The following MINDY3 variants were observed in gnomAD, a reference collection of about 807,000 sequenced individuals.
MINDY3 encodes the protein ubiquitin carboxyl-terminal hydrolase MINDY-3.
A neutral mutation model predicts 69.2 loss-of-function variants in MINDY3; 38 were observed. The observed-to-expected ratio is 0.55, with a 90% CI of 0.42 to 0.72. The LOEUF (loss-of-function observed/expected upper bound fraction) is 0.72, where lower values mean the gene tolerates loss of function less well. Ranked by LOEUF, MINDY3 falls within the 30% of genes least tolerant of loss-of-function variation. MINDY3 has a pLI of 0.00. For missense variants in MINDY3, 522 were observed against 519.0 expected, an observed-to-expected ratio of 1.01 and a Z score of -0.06; for synonymous variants, 192 against 180.1, an observed-to-expected ratio of 1.07 and a Z score of -0.53.
At chr10:15,845,249 T>C (rs1296196930) in intron 2 of MINDY3, among the ~76,000 whole-genome samples, 1 of 151,374 alleles carries the variant, frequency 6.6e-6, no homozygotes, top group Non-Finnish European at 1.5e-5. Flanking sequence ...CCACTGATCT[T>C]AGTTCCTTCT....
intron 1 of MINDY3, among the ~76,000 whole-genome samples, chr10:15,857,585 GAGA>G (rs1834776829): frequency 6.6e-6 from 1 of 151,516 alleles, no homozygotes; most frequent in South Asian, 2.1e-4. Flanking sequence ...GGAAAGCAGA[GAGA>G]AGAATAAATT....
chr10:15,792,829 G>A (rs932529069), intron 11 of MINDY3, among the ~76,000 whole-genome samples: 1 of 152,060 alleles, frequency 6.6e-6, no homozygotes, highest in Non-Finnish European at 1.5e-5. Context: ...GTGATTAGCA[G>A]TTCAGACACT....
chr10:15,819,457 A>G (rs915497046), intron 9 of MINDY3, among the ~76,000 whole-genome samples: 3 of 152,192 alleles, frequency 2.0e-5, no homozygotes, highest in Admixed American at 2.0e-4. Context: ...CTACCATTAT[A>G]GGTCTCCCAC....
At position 15,860,477 on chromosome 10, in the gene MINDY3, G is replaced by T; in HGVS notation, c.-178C>A. The T allele has an allele frequency of 6.5e-6, 4 of 618,644 alleles. No homozygotes were observed. Among genetic ancestry groups the T allele is most frequent in the Admixed American group, 3.0e-5 (1 of 33,070 alleles). The allele number at this position is 618,644 out of a possible 1,614,324, so 38.3% of individuals were successfully genotyped here. Reference sequence around the variant, plus strand: ...GAGACCAAGCCTGTCAAGCCAGGTTGGGGCAGCAGCGAGTTTTCCGTACCG... The same window carrying T: ...GAGACCAAGCCTGTCAAGCCAGGTTTGGGCAGCAGCGAGTTTTCCGTACCG... On this transcript the variant is annotated 5_prime_UTR_variant, in exon 1 of 15. Transcript: ENST00000277632.
At chr10:15,792,815 AC>A (rs1163596653) in intron 11 of MINDY3, among the ~76,000 whole-genome samples, 2 of 152,056 alleles carry the variant, frequency 1.3e-5, no homozygotes, top group Non-Finnish European at 2.9e-5. Context: ...TAATGTGAAA[AC>A]CTGTGATTAG....
intron 13 of MINDY3, among the ~76,000 whole-genome samples, chr10:15,785,823 A>G (rs191000952): frequency 1.7e-4 from 26 of 152,264 alleles, no homozygotes; most frequent in South Asian, 8.3e-4. Flanking sequence ...CTATTTGTCA[A>G]TATGTCTCTC....
chr10:15,851,045 C>A (rs1834249537), intron 1 of MINDY3, among the ~76,000 whole-genome samples: 1 of 152,148 alleles, frequency 6.6e-6, no homozygotes, highest in East Asian at 1.9e-4. Flanking sequence ...CAGGCTAGTT[C>A]CCAAATCTTA....
chr10:15,843,961 G>A (rs1347548417), intron 2 of MINDY3, among the ~76,000 whole-genome samples: 2 of 152,070 alleles, frequency 1.3e-5, no homozygotes, highest in Non-Finnish European at 2.9e-5. Flanking sequence ...TGAATCTCTA[G>A]AGGGCAGGTC....
At chr10:15,825,470 A>T (rs1480878285) in intron 8 of MINDY3, among the ~76,000 whole-genome samples, 2 of 152,190 alleles carry the variant, frequency 1.3e-5, no homozygotes, top group Non-Finnish European at 2.9e-5. Context: ...TTGGCCTCCC[A>T]AACTGCTGAG....
intron 2 of MINDY3, among the ~76,000 whole-genome samples, chr10:15,844,270 G>A (rs975545581): frequency 5.3e-5 from 8 of 152,076 alleles, no homozygotes; most frequent in African/African-American, 1.9e-4. Context: ...CTAATCAAGC[G>A]CTTCTGATTT....
chr10:15,814,536 G>C (rs1839223689), intron 10 of MINDY3, among the ~76,000 whole-genome samples: 1 of 149,550 alleles, frequency 6.7e-6, no homozygotes, highest in Non-Finnish European at 1.5e-5. Context: ...GTAACAATTA[G>C]TATAAAATTC....
At chr10:15,815,166 T>G (rs2131971778) in intron 10 of MINDY3, among the ~76,000 whole-genome samples, 1 of 152,346 alleles carries the variant, frequency 6.6e-6, no homozygotes, top group South Asian at 2.1e-4. Context: ...AATGAAATCC[T>G]CACTCAGGAA....
intron 13 of MINDY3, among the ~76,000 whole-genome samples, chr10:15,784,065 C>A (rs1836762726): frequency 6.6e-6 from 1 of 152,130 alleles, no homozygotes; most frequent in African/African-American, 2.4e-5. Context: ...TCAATTTCCT[C>A]ATTGTCAAAA....
intron 10 of MINDY3, among the ~76,000 whole-genome samples, chr10:15,796,412 C>T (rs2131883471): frequency 6.7e-6 from 1 of 149,722 alleles, no homozygotes; most frequent in African/African-American, 2.5e-5. Flanking sequence ...TGGAGTTTTA[C>T]ATAAATACTT....
At chr10:15,838,761 G>C (rs894415101) in intron 4 of MINDY3, among the ~76,000 whole-genome samples, 3 of 151,644 alleles carry the variant, frequency 2.0e-5, no homozygotes, top group African/African-American at 7.3e-5. Flanking sequence ...ACAGCTTTAA[G>C]TTTGTTTCCT....
At chr10:15,799,632 G>A (rs1278321155) in intron 10 of MINDY3, among the ~76,000 whole-genome samples, 2 of 152,156 alleles carry the variant, frequency 1.3e-5, no homozygotes, top group African/African-American at 4.8e-5. Context: ...ATTCTAGCTA[G>A]AAGGAACGGA....
At chr10:15,845,268 G>A (rs1194688383) in intron 2 of MINDY3, among the ~76,000 whole-genome samples, 1 of 151,316 alleles carries the variant, frequency 6.6e-6, no homozygotes, top group South Asian at 2.1e-4. Flanking sequence ...CTTTATTCCT[G>A]GTGTGACAAA....
At chr10:15,850,869 C>T (rs796197332) in intron 1 of MINDY3, among the ~76,000 whole-genome samples, 14 of 152,246 alleles carry the variant, frequency 9.2e-5, no homozygotes, top group African/African-American at 2.6e-4. Flanking sequence ...TGTCTCCCCC[C>T]GACACCCAGC....
Position 15,816,892 on chromosome 10 carries a change from T to C in MINDY3, c.825A>G (p.Pro275=). 6.2e-7 allele frequency: 1 copy of C among 1,613,420 alleles called. No homozygotes were observed. Among genetic ancestry groups the C allele is most frequent in the Non-Finnish European group, 8.5e-7 (1 of 1,179,618 alleles). The change falls in exon 10 of 15, where the codon CCA becomes CCG. Residue 275 remains proline, a synonymous_variant. Coordinates refer to ENST00000277632, the MANE Select transcript of MINDY3 (RefSeq NM_024948.4). The part of the protein sequence containing the change: ...YCKVGSYLKS[P]KFPIWIVGSE... ...TGCCAACAATCCAAATAGGGAATTT[T>C]GGAGATTTCAAGTAAGAACCAACCT...
Sources: allele counts gnomAD v4.1 joint callset (sites outside exome capture counted in the v4.1 genomes callset), GRCh38; gene constraint gnomAD v4.1.1; transcripts MANE v1.5; gene names NCBI Gene and HGNC (gene_info 2026-07-23, HGNC 2026-07-21).